The following SPMAP2 variants were observed in gnomAD, a reference collection of about 807,000 sequenced individuals.
SPMAP2 encodes sperm microtubule associated protein 2, also known as Theg homolog.
At chr19:364,202 TG>T in the SPMAP2 span, among the ~76,000 whole-genome samples, 11 of 149,408 alleles carry the variant, frequency 7.4e-5, no homozygotes, top group South Asian at 2.1e-3. Flanking sequence ...CCGGGCGTGG[TG>T]GCGGCTGCCT....
chr19:363,625 C>T, the SPMAP2 span, among the ~76,000 whole-genome samples: 1 of 152,050 alleles, frequency 6.6e-6, no homozygotes, highest in Admixed American at 6.6e-5. Flanking sequence ...CCTCCGCTCC[C>T]CAGGATCAAG....
chr19:373,666 G>T, the SPMAP2 span: 1 of 744,628 alleles, frequency 1.3e-6, no homozygotes. Flanking sequence ...GCCAGAGAAG[G>T]ACAGTGGGGG....
At chr19:364,856 G>A in the SPMAP2 span, among the ~76,000 whole-genome samples, 1 of 152,132 alleles carries the variant, frequency 6.6e-6, no homozygotes, top group African/African-American at 2.4e-5. Flanking sequence ...GTCTGGCATA[G>A]CAGCCGGGGC....
the SPMAP2 span, chr19:372,495 G>A: frequency 1.2e-6 from 1 of 838,564 alleles, no homozygotes; most frequent in Non-Finnish European, 1.9e-6. Flanking sequence ...CTGGGAAGCA[G>A]GCCAGCCCCG....
At chr19:375,971 A>G in the SPMAP2 span, 1 of 1,395,886 alleles carries the variant, frequency 7.2e-7, no homozygotes, top group South Asian at 1.8e-5. Flanking sequence ...TGTCCCCCAT[A>G]CACCGGTCCC....
chr19:364,133 A>G, the SPMAP2 span, among the ~76,000 whole-genome samples: 9 of 150,544 alleles, frequency 6.0e-5, no homozygotes, highest in East Asian at 2.0e-4. Context: ...GGAGATCGAG[A>G]CCATCCTGGC....
chr19:366,409 C>G, the SPMAP2 span, among the ~76,000 whole-genome samples: 1 of 152,234 alleles, frequency 6.6e-6, no homozygotes, highest in Non-Finnish European at 1.5e-5. Context: ...GTGTGGCGAG[C>G]ACAAGTGTGT....
At chr19:373,791 A>G in the SPMAP2 span, 1 of 788,830 alleles carries the variant, frequency 1.3e-6, no homozygotes, top group Non-Finnish European at 2.1e-6. Context: ...GAGCAGACCC[A>G]GGTCACAAGG....
chr19:367,623 A>G, the SPMAP2 span, among the ~76,000 whole-genome samples: 2 of 152,192 alleles, frequency 1.3e-5, no homozygotes, highest in South Asian at 4.1e-4. Context: ...CTGGAAGGAG[A>G]GTAAATTAGT....
the SPMAP2 span, chr19:375,611 G>A: frequency 2.7e-6 from 4 of 1,482,100 alleles, no homozygotes; most frequent in Non-Finnish European, 3.6e-6. Context: ...CCACTGCCAG[G>A]GGCTGAGCCC....
the SPMAP2 span, among the ~76,000 whole-genome samples, chr19:369,460 G>A: frequency 6.6e-6 from 1 of 151,896 alleles, no homozygotes. Context: ...TCCCCTCCCA[G>A]AGAATGCAAG....
the SPMAP2 span, chr19:374,690 G>C: frequency 1.9e-6 from 1 of 515,780 alleles, no homozygotes; most frequent in African/African-American, 1.9e-5. Flanking sequence ...AATTGGAGGT[G>C]AGACCAGCTC....
chr19:375,659 C>T, the SPMAP2 span: 2 of 1,550,946 alleles, frequency 1.3e-6, no homozygotes, highest in Non-Finnish European at 1.7e-6. Flanking sequence ...TCCCCGGTGC[C>T]CACCTGATTT....
chr19:369,182 TAGG>T, the SPMAP2 span, among the ~76,000 whole-genome samples: 3 of 152,020 alleles, frequency 2.0e-5, no homozygotes, highest in African/African-American at 7.3e-5. Flanking sequence ...GAAACCACCA[TAGG>T]AGAAGACGCG....
chr19:368,472 G>A, the SPMAP2 span, among the ~76,000 whole-genome samples: 1 of 152,074 alleles, frequency 6.6e-6, no homozygotes, highest in Non-Finnish European at 1.5e-5. This position sits in a 1 kb window ranked among gnomAD's most constrained non-coding sequence, Gnocchi z 4.1. Context: ...TGATGCCTCT[G>A]GGGAGGGAGG....
At chr19:368,249 C>T in the SPMAP2 span, among the ~76,000 whole-genome samples, 2 of 152,178 alleles carry the variant, frequency 1.3e-5, no homozygotes. This position sits in a 1 kb window ranked among gnomAD's most constrained non-coding sequence, Gnocchi z 4.1. Flanking sequence ...TTGCACCAGC[C>T]TACGCAGAGA....
chr19:364,117 A>C, the SPMAP2 span, among the ~76,000 whole-genome samples: 2 of 150,832 alleles, frequency 1.3e-5, no homozygotes, highest in African/African-American at 4.9e-5. Context: ...GCGGATCACA[A>C]GGTCAGGAGA....
At chr19:365,608 C>G in the SPMAP2 span, among the ~76,000 whole-genome samples, 1 of 104,090 alleles carries the variant, frequency 9.6e-6, no homozygotes, top group Non-Finnish European at 2.1e-5. Context: ...CAGCCACACT[C>G]TTACCCCCAC....
At chr19:367,461 T>C in the SPMAP2 span, among the ~76,000 whole-genome samples, 5 of 152,212 alleles carry the variant, frequency 3.3e-5, no homozygotes, top group African/African-American at 1.2e-4. Flanking sequence ...AAACCCTAAA[T>C]GGTCAATAAC....
Sources: gnomAD v4.1 joint callset for allele counts (sites outside exome capture counted in the v4.1 genomes callset) on GRCh38, gnomAD v4.1.1 for gene constraint, Gnocchi (gnomAD v3.1) non-coding constraint, MANE v1.5 for transcripts, NCBI Gene and HGNC (gene_info 2026-07-23, HGNC 2026-07-21) for gene names.